Variants in LIPI observed in about 807,000 individuals in gnomAD.
LIPI encodes lipase I.
Under a neutral mutation model 50.6 loss-of-function variants are expected in LIPI, and 59 were observed. The observed-to-expected ratio is 1.16, with a 90% CI of 0.94 to 1.45. The LOEUF (loss-of-function observed/expected upper bound fraction) is 1.45, where lower values mean the gene tolerates loss of function less well. Among genes scored for constraint, LIPI ranks in the 40% most tolerant of loss-of-function variants. The pLI is 0.00. For synonymous variants in LIPI, 203 were observed against 178.2 expected (o/e 1.14, Z -1.11); for missense variants, 586 against 536.3 (o/e 1.09, Z -0.92).
chr21:14,178,732 T>C (rs1397237245), intron 4 of LIPI, among the ~76,000 whole-genome samples: 4 of 152,232 alleles, frequency 2.6e-5, no homozygotes, highest in African/African-American at 9.6e-5. Flanking sequence ...CTATTGACTG[T>C]TGTTTCTGCT....
intron 4 of LIPI, among the ~76,000 whole-genome samples, chr21:14,169,695 C>A (rs1339295528): frequency 2.0e-5 from 3 of 152,164 alleles, no homozygotes; most frequent in South Asian, 2.1e-4. Flanking sequence ...ACCAGAATCC[C>A]TGGGACACAT....
intron 7 of LIPI, among the ~76,000 whole-genome samples, chr21:14,154,837 C>A (rs1027036362): frequency 6.6e-6 from 1 of 151,926 alleles, no homozygotes; most frequent in Non-Finnish European, 1.5e-5. Context: ...AGGAACTGCC[C>A]GCTAAAATAA....
Position 14,109,040 on chromosome 21 carries a change from C to T in LIPI, c.1336G>A (p.Glu446Lys). ...CRYNIVLKDR[E>K]EVFLNPNTCT... ...GTGTTTGGATTAAGAAACACTTCCT[C>T]TCTGTCTTTAAGTACAATATTATAC... The change falls in exon 10 of 10, where the codon GAG becomes AAG. Residue 446 changes from glutamate (E) to lysine (K), a missense_variant. By Grantham distance (56) the Glu-to-Lys change is moderately conservative. Transcript: ENST00000681601. The T allele has an allele frequency of 6.2e-7, 1 of 1,600,256 alleles. No homozygotes were observed. Among genetic ancestry groups the T allele is most frequent in the Non-Finnish European group, 8.6e-7 (1 of 1,167,770 alleles).
intron 6 of LIPI, among the ~76,000 whole-genome samples, 164 bp from the exon 7 acceptor site, chr21:14,163,687 T>C (rs1307766376): frequency 6.9e-6 from 1 of 144,364 alleles, no homozygotes; most frequent in Non-Finnish European, 1.6e-5. Flanking sequence ...GCATTCCATT[T>C]ATTTTAATTA....
chr21:14,185,882 C>CA (rs200600449), intron 3 of LIPI, 79 bp downstream of exon 3: 35,909 of 685,422 alleles, frequency 0.052, 109 homozygotes, highest in African/African-American at 0.088. Context: ...GACTCTGTCT[C>CA]AAAAAAAAAA....
chr21:14,145,304 T>C (rs1046831126), intron 8 of LIPI, among the ~76,000 whole-genome samples: 1 of 152,230 alleles, frequency 6.6e-6, no homozygotes, highest in Non-Finnish European at 1.5e-5. Flanking sequence ...CTTAACCTCA[T>C]TTAACTACCT....
chr21:14,178,804 T>TG (rs767000171), intron 4 of LIPI, among the ~76,000 whole-genome samples: 3 of 152,194 alleles, frequency 2.0e-5, no homozygotes, highest in Non-Finnish European at 4.4e-5. Context: ...TAAACATTTA[T>TG]TTTAATATGT....
At chr21:14,121,253 T>G (rs1424295145) in intron 9 of LIPI, among the ~76,000 whole-genome samples, 2 of 152,158 alleles carry the variant, frequency 1.3e-5, no homozygotes, top group African/African-American at 4.8e-5. Flanking sequence ...GAAAACTGCA[T>G]ACAGCCTATC....
intron 8 of LIPI, among the ~76,000 whole-genome samples, chr21:14,146,544 C>T (rs542498719): frequency 1.3e-5 from 2 of 152,270 alleles, no homozygotes; most frequent in Admixed American, 6.5e-5. Context: ...ATTCCTGCAA[C>T]AGCATCTTGC....
intron 9 of LIPI, 54 bp downstream of exon 9, chr21:14,144,569 A>C (rs1346740635): frequency 1.0e-6 from 1 of 973,092 alleles, no homozygotes; most frequent in East Asian, 2.4e-5. Context: ...TTAAGAAACC[A>C]ATATTTTCAA....
chr21:14,208,399 C>T lies in LIPI; in HGVS notation c.46+2401G>A, dbSNP rs563272490. ...TAACTTCATTTTATTCTGTTTTTCACTTTCCTCAACTGTGAAATGAGAAAG... is the reference window on the plus strand; with the variant it reads ...TAACTTCATTTTATTCTGTTTTTCATTTTCCTCAACTGTGAAATGAGAAAG... On this transcript the variant is annotated intron_variant, in intron 1 of 9. Transcript: ENST00000681601. 3.3e-5 allele frequency among the ~76,000 whole-genome samples: 5 copies of T among 152,320 alleles called. No homozygotes were observed. The South Asian group carries it at 1.0e-3, about 32-fold the overall frequency.
chr21:14,193,847 A>AC (rs1568881154), intron 1 of LIPI, among the ~76,000 whole-genome samples: 1 of 152,098 alleles, frequency 6.6e-6, no homozygotes, highest in African/African-American at 2.4e-5. Flanking sequence ...TAAAAAGGCA[A>AC]CCCACTGAAT....
chr21:14,201,900 C>T (rs1343698127), intron 1 of LIPI, among the ~76,000 whole-genome samples: 2 of 152,168 alleles, frequency 1.3e-5, no homozygotes, highest in East Asian at 1.9e-4. Context: ...CAAATTGTCC[C>T]TGTTTGCAGA....
chr21:14,129,011 T>G (rs2017178830), intron 9 of LIPI, among the ~76,000 whole-genome samples: 1 of 152,070 alleles, frequency 6.6e-6, no homozygotes, highest in South Asian at 2.1e-4. Flanking sequence ...TCTAGGAGTA[T>G]TTATATAGTT....
At chr21:14,172,565 A>G (rs903640085) in intron 4 of LIPI, among the ~76,000 whole-genome samples, 3 of 151,992 alleles carry the variant, frequency 2.0e-5, no homozygotes, top group Admixed American at 2.0e-4. Context: ...TGTCCTTTGT[A>G]GGGACATGGA....
intron 9 of LIPI, among the ~76,000 whole-genome samples, chr21:14,117,234 A>T (rs1033984808): frequency 2.0e-5 from 3 of 152,204 alleles, no homozygotes; most frequent in Non-Finnish European, 1.5e-5. Context: ...AGACATTTTC[A>T]ACTGTAAACA....
chr21:14,125,188 T>G (rs1204941535), intron 9 of LIPI, among the ~76,000 whole-genome samples: 2 of 152,160 alleles, frequency 1.3e-5, no homozygotes, highest in African/African-American at 4.8e-5. Flanking sequence ...CATAAGAGTT[T>G]GAAAAGCACT....
intron 9 of LIPI, among the ~76,000 whole-genome samples, chr21:14,134,021 T>C (rs2017396269): frequency 6.6e-6 from 1 of 151,568 alleles, no homozygotes; most frequent in South Asian, 2.1e-4. Flanking sequence ...AGCTCCAGAG[T>C]TCAAGATCAG....
At chr21:14,196,807 CAGA>C (rs918150654) in intron 1 of LIPI, among the ~76,000 whole-genome samples, 2 of 152,058 alleles carry the variant, frequency 1.3e-5, no homozygotes, top group Non-Finnish European at 2.9e-5. Context: ...GCCTGGGCAA[CAGA>C]AGGAGAACCT....
Sources: gnomAD v4.1 joint callset for allele counts (sites outside exome capture counted in the v4.1 genomes callset) on GRCh38, gnomAD v4.1.1 for gene constraint, MANE v1.5 for transcripts, NCBI Gene and HGNC (gene_info 2026-07-23, HGNC 2026-07-21) for gene names.